NPC1: variants seen among roughly 807,000 people sequenced by gnomAD.
NPC1 encodes the protein Niemann-Pick C1 protein.
Under a neutral mutation model 140.4 loss-of-function variants are expected in NPC1, and 85 were observed. The observed-to-expected ratio is 0.61, with a 90% CI of 0.51 to 0.72. The LOEUF (loss-of-function observed/expected upper bound fraction) is 0.72, where lower values mean the gene tolerates loss of function less well. Ranked by LOEUF, NPC1 falls within the 30% of genes least tolerant of loss-of-function variation. The pLI is 0.00. For synonymous variants in NPC1, 656 were observed against 624.8 expected, an observed-to-expected ratio of 1.05 and a Z score of -0.74; for missense variants, 1,504 against 1,623.8, an observed-to-expected ratio of 0.93 and a Z score of 1.27.
chr18:23,559,862 G>A (rs773257598), intron 6 of NPC1, among the ~76,000 whole-genome samples: 14 of 152,154 alleles, frequency 9.2e-5, no homozygotes, highest in Non-Finnish European at 1.9e-4. Flanking sequence ...GGAGGCTGAT[G>A]CAGGGGAATT....
intron 7 of NPC1, 58 bp downstream of exon 7, chr18:23,557,059 T>C (rs1003310486): frequency 3.6e-5 from 50 of 1,408,450 alleles, no homozygotes; most frequent in Non-Finnish European, 4.7e-5. Flanking sequence ...AGGAAACGAA[T>C]GCTCTCATGA....
chr18:23,529,796 A>C (rs911215159), downstream of NPC1: 3 of 1,323,796 alleles, frequency 2.3e-6, no homozygotes, highest in Non-Finnish European at 3.2e-6. Flanking sequence ...GATGACTCAT[A>C]TGCTAAGACA....
intron 24 of NPC1, chr18:23,532,991 T>A (rs752058046): frequency 7.8e-5 from 76 of 970,370 alleles, no homozygotes; most frequent in Non-Finnish European, 8.7e-5. Context: ...TAAAAAGCTG[T>A]TCTGCAGCAC....
intron 1 of NPC1, among the ~76,000 whole-genome samples, chr18:23,574,411 G>A (rs2059245912): frequency 6.6e-6 from 1 of 152,024 alleles, no homozygotes; most frequent in Non-Finnish European, 1.5e-5. Flanking sequence ...TCAAGAAGCA[G>A]CCATGGCTCC....
intron 21 of NPC1, among the ~76,000 whole-genome samples, chr18:23,536,065 G>A (rs1378194077): frequency 3.9e-5 from 6 of 152,182 alleles, no homozygotes; most frequent in Admixed American, 3.9e-4. Context: ...CGGGGTCCGT[G>A]CAAGGCCTGA....
chr18:23,572,222 T>TA, intron 2 of NPC1, 42 bp from the exon 3 acceptor site: 3 of 1,356,170 alleles, frequency 2.2e-6, no homozygotes, highest in Non-Finnish European at 3.2e-6. Context: ...AGGCAACAGT[T>TA]AGAGTAAGGT....
chr18:23,516,519 C>A, intron 3 of NPC1: 1 of 1,244,598 alleles, frequency 8.0e-7, no homozygotes, highest in Non-Finnish European at 1.2e-6. Flanking sequence ...ATGCCCTGAC[C>A]CCTAGAACAC....
chr18:23,570,010 A>T (rs1201668493), intron 3 of NPC1, among the ~76,000 whole-genome samples: 3 of 152,240 alleles, frequency 2.0e-5, no homozygotes, highest in Admixed American at 2.0e-4. Flanking sequence ...CATGTAAGAC[A>T]AAGAATGAAA....
downstream of NPC1, among the ~76,000 whole-genome samples, chr18:23,527,180 T>C (rs2058322919): frequency 7.4e-6 from 1 of 134,832 alleles, no homozygotes; most frequent in South Asian, 2.2e-4. Context: ...GCCTAGGAGT[T>C]CGAGACCAGC....
At chr18:23,583,437 G>C (rs1295449584) in intron 1 of NPC1, among the ~76,000 whole-genome samples, 1 of 152,152 alleles carries the variant, frequency 6.6e-6, no homozygotes, top group South Asian at 2.1e-4. Context: ...ATTCTAGTTA[G>C]GGGAACAGGA....
In NPC1 at chr18:23,556,442, T is replaced by C; in HGVS notation, c.1127A>G (p.Asn376Ser). 1 of 1,613,976 alleles carries C rather than the reference T, an allele frequency of 6.2e-7. No individual in the cohort carries two copies. The highest frequency in any genetic ancestry group is 8.5e-7 in the Non-Finnish European group (1 of 1,179,986). ...GGGGGCTGACCAGAGGTCAACTGGA[T>C]TGGTTGTGACCCGGACAAACACCAG... ...SGLVFVRVTT[N>S]PVDLWSAPSS... Residue 376 changes from asparagine (N) to serine (S), a missense_variant, in exon 8 of 25, where the codon AAT (asparagine) becomes AGT (serine). Coordinates refer to ENST00000269228, the MANE Select transcript of NPC1 (RefSeq NM_000271.5).
downstream of NPC1, among the ~76,000 whole-genome samples, chr18:23,525,266 A>G (rs1334153312): frequency 6.6e-6 from 1 of 151,628 alleles, no homozygotes; most frequent in Non-Finnish European, 1.5e-5. Context: ...TTATTTTTTT[A>G]AGGCAGGGTC....
At chr18:23,510,658 A>T (rs946711795) in intron 3 of NPC1, among the ~76,000 whole-genome samples, 3 of 152,214 alleles carry the variant, frequency 2.0e-5, no homozygotes, top group African/African-American at 7.2e-5. Flanking sequence ...AAAAAAAAAA[A>T]GTGGGCAAAG....
At chr18:23,524,370 A>G, downstream of NPC1, 1 of 1,591,518 alleles carries the variant, frequency 6.3e-7, no homozygotes, top group Non-Finnish European at 8.6e-7. Flanking sequence ...TGCTAGCGGA[A>G]ACTGGGTTTG....
downstream of NPC1, chr18:23,527,824 C>T (rs752130632): frequency 2.3e-5 from 37 of 1,613,952 alleles, no homozygotes; most frequent in Non-Finnish European, 3.1e-5. Context: ...AGCATCGCTG[C>T]CCGTGATAGC....
At chr18:23,561,574 A>G in intron 4 of NPC1, 47 bp from the exon 5 acceptor site, 1 of 1,594,144 alleles carries the variant, frequency 6.3e-7, no homozygotes, top group Non-Finnish European at 8.6e-7. Flanking sequence ...TGCTTGCTGT[A>G]ATTCACGAGG....
At chr18:23,540,354 G>A in intron 17 of NPC1, 94 bp downstream of exon 17, 1 of 820,456 alleles carries the variant, frequency 1.2e-6, no homozygotes, top group Admixed American at 2.1e-5. Context: ...TTAGAAGCAG[G>A]CACTTGCTTG....
chr18:23,533,948 A>G (rs1300007200), intron 23 of NPC1: 2 of 323,018 alleles, frequency 6.2e-6, no homozygotes, highest in Non-Finnish European at 1.2e-5. Context: ...TTCTGCACAG[A>G]CACTGCATCG....
intron 6 of NPC1, among the ~76,000 whole-genome samples, chr18:23,559,055 T>C: frequency 6.6e-6 from 1 of 152,258 alleles, no homozygotes; most frequent in Admixed American, 6.5e-5. Flanking sequence ...CATGAACTCA[T>C]CATTTTTTAT....
Sources: gnomAD v4.1 joint callset for allele counts (sites outside exome capture counted in the v4.1 genomes callset) on GRCh38, gnomAD v4.1.1 for gene constraint, MANE v1.5 for transcripts, NCBI Gene and HGNC (gene_info 2026-07-23, HGNC 2026-07-21) for gene names.